Variants in NLRP8 observed in about 807,000 individuals in gnomAD.
NLRP8 encodes the protein NLR family pyrin domain containing 8, also known as NACHT, LRR and PYD domains-containing protein 8.
NLRP8 carries 86 observed loss-of-function variants against 88.7 expected under a neutral mutation model. That is an observed-to-expected ratio of 0.97 (90% CI 0.81 to 1.16). NLRP8 has a LOEUF of 1.16. Ranked by LOEUF, NLRP8 falls within the 50% of genes most tolerant of loss-of-function variation. The pLI is 0.00. For synonymous variants in NLRP8, 504 were observed against 494.6 expected, an observed-to-expected ratio of 1.02 and a Z score of -0.25; for missense variants, 1,342 against 1,286.5, an observed-to-expected ratio of 1.04 and a Z score of -0.66.
chr19:55,956,012 T>A lies in NLRP8; in HGVS notation c.1954T>A (p.Cys652Ser). 6.2e-7 allele frequency: 1 copy of A among 1,614,070 alleles called. No homozygotes were observed. Residue 652 changes from cysteine to serine, a missense_variant, in exon 3 of 10, where the codon TGT (cysteine) becomes AGT (serine). Physicochemically the swap from Cys to Ser is moderately radical, Grantham distance 112. Coordinates refer to ENST00000291971, the MANE Select transcript of NLRP8 (RefSeq NM_176811.2). ...AGTGTCTGCTTTTTGCCTGAAGCGG[T>A]GTCAATATTTGCATGAGGTGGAACT...
At chr19:55,979,191 G>C (rs752554240) in intron 8 of NLRP8, among the ~76,000 whole-genome samples, 1 of 152,214 alleles carries the variant, frequency 6.6e-6, no homozygotes, top group Non-Finnish European at 1.5e-5. Context: ...TAAATTCTTA[G>C]AGTGAGGAAT....
At chr19:55,961,005 G>A (rs949146616) in intron 3 of NLRP8, among the ~76,000 whole-genome samples, 4 of 147,810 alleles carry the variant, frequency 2.7e-5, no homozygotes, top group East Asian at 2.0e-4. Flanking sequence ...AGGTTCAAGC[G>A]ATTCTCTTTG....
intron 8 of NLRP8, among the ~76,000 whole-genome samples, chr19:55,976,917 A>G (rs1980366369): frequency 6.7e-6 from 1 of 150,222 alleles, no homozygotes. Context: ...TGTCTGTACT[A>G]AAAATACAAA....
At chr19:55,958,972 G>A (rs1377502183) in intron 3 of NLRP8, among the ~76,000 whole-genome samples, 1 of 150,976 alleles carries the variant, frequency 6.6e-6, no homozygotes, top group Non-Finnish European at 1.5e-5. Context: ...TCCACCTCCT[G>A]GGTTCACGCC....
At chr19:55,974,640 G>A (rs1600312941) in intron 7 of NLRP8, among the ~76,000 whole-genome samples, 1 of 151,632 alleles carries the variant, frequency 6.6e-6, no homozygotes, top group Non-Finnish European at 1.5e-5. Context: ...GGAGGCTGAG[G>A]CAGGAGAATG....
At chr19:55,957,063 A>C (rs1287168941) in intron 3 of NLRP8, among the ~76,000 whole-genome samples, 4 of 151,962 alleles carry the variant, frequency 2.6e-5, no homozygotes, top group Admixed American at 1.3e-4. Flanking sequence ...AAAGCACTGG[A>C]ATTACAGGCA....
At chr19:55,984,426 G>A (rs940429574) in intron 9 of NLRP8, among the ~76,000 whole-genome samples, 7 of 151,474 alleles carry the variant, frequency 4.6e-5, no homozygotes, top group South Asian at 2.1e-4. Flanking sequence ...AGGCCGAAGC[G>A]GGGGGATCAC....
At chr19:55,950,552 G>A (rs1568457579) in intron 1 of NLRP8, among the ~76,000 whole-genome samples, 3 of 152,100 alleles carry the variant, frequency 2.0e-5, no homozygotes, top group Admixed American at 6.6e-5. Context: ...TACTTACAGC[G>A]CTTTCAAGAT....
At position 55,955,719 on chromosome 19, in the gene NLRP8, A is replaced by G. The variant is rs746090109; in HGVS notation, c.1661A>G (p.His554Arg). The G allele has an allele frequency of 3.7e-6, 6 of 1,614,106 alleles. No individual in the cohort carries two copies. Among genetic ancestry groups the G allele is most frequent in the African/African-American group, 1.3e-5 (1 of 75,060 alleles). The change falls in exon 3 of 10, where the codon CAC (histidine) becomes CGC (arginine). Residue 554 changes from histidine (H) to arginine (R), a missense_variant. Coordinates refer to ENST00000291971, the MANE Select transcript of NLRP8 (RefSeq NM_176811.2). The stretch of plus-strand genomic sequence containing the variant: ...AGAGGAAGCAAAAGCTATCTCTCTC[A>G]CATGGGACTTTTCTTATTCGGTTTT...
Position 55,954,892 on chromosome 19 carries a change from C to A in NLRP8, c.834C>A (p.Pro278=), listed in dbSNP as rs762189376. 1 of 1,614,136 alleles carries A rather than the reference C, an allele frequency of 6.2e-7. No individual in the cohort carries two copies. Among genetic ancestry groups the A allele is most frequent in the South Asian group, 1.1e-5 (1 of 91,080 alleles). Reference sequence around the variant, plus strand: ...TCGTGTCAAAGATTATGTCCAAACCCGACCAACTTCTGCTGCTCTTGGATG... The same window carrying A: ...TCGTGTCAAAGATTATGTCCAAACCAGACCAACTTCTGCTGCTCTTGGATG... The change falls in exon 3 of 10, where the codon CCC becomes CCA. Residue 278 remains proline (P), a synonymous_variant. Transcript: ENST00000291971.
At chr19:55,961,637 A>T (rs1355171330) in intron 3 of NLRP8, among the ~76,000 whole-genome samples, 2 of 140,024 alleles carry the variant, frequency 1.4e-5, no homozygotes, top group African/African-American at 5.9e-5. Context: ...CCCTGTTTCT[A>T]CAAAAAATAC....
Position 55,955,259 on chromosome 19 carries a change from A to T in NLRP8, c.1201A>T (p.Met401Leu), listed in dbSNP as rs1222995777. The change falls in exon 3 of 10, where the codon ATG becomes TTG. Residue 401 changes from methionine (M) to leucine (L), a missense_variant. Physicochemically the swap from Met to Leu is conservative, Grantham distance 15. Transcript: ENST00000291971. Reference sequence around the variant, plus strand: ...GTGCCGGGTCCCTGTGGTTTGCTGGATGGTCTGCTCTGGTCTGAAACAGCA... The same window carrying T: ...GTGCCGGGTCCCTGTGGTTTGCTGGTTGGTCTGCTCTGGTCTGAAACAGCA... 6.2e-7 allele frequency: 1 copy of T among 1,614,186 alleles called. No homozygotes were observed. Among genetic ancestry groups the T allele is most frequent in the Non-Finnish European group, 8.5e-7 (1 of 1,180,034 alleles).
intron 6 of NLRP8, 54 bp from the exon 7 acceptor site, chr19:55,973,598 G>T: frequency 6.7e-7 from 1 of 1,489,322 alleles, no homozygotes; most frequent in South Asian, 1.4e-5. Flanking sequence ...TCACCCTTCT[G>T]TGTGAGACAA....
Position 55,988,157 on chromosome 19 carries a change from C to A in NLRP8, c.*244C>A. ...CCTGTAACCCAGCACTATGGGAGGT[C>A]GAGGTGGGCAGATTACCTGAGGTCA... On this transcript the variant is annotated 3_prime_UTR_variant, in exon 10 of 10. Transcript: ENST00000291971. 1 of 283,434 alleles carries A rather than the reference C, an allele frequency of 3.5e-6. No individual in the cohort carries two copies. The allele number at this position is 283,434 out of a possible 1,614,324, so 17.6% of individuals were successfully genotyped here. A position where few individuals can be genotyped will look rare whatever the true frequency, so the allele number is the denominator to read the frequency against.
At chr19:55,976,412 T>C in intron 8 of NLRP8, 109 bp downstream of exon 8, 1 of 933,124 alleles carries the variant, frequency 1.1e-6, no homozygotes, top group Admixed American at 3.6e-5. Flanking sequence ...TTCTGGATTG[T>C]TCCCTCCATT....
At chr19:55,948,354 T>C (rs1164244182) in intron 1 of NLRP8, 85 bp downstream of exon 1, 13 of 1,419,078 alleles carry the variant, frequency 9.2e-6, no homozygotes, top group Admixed American at 1.9e-5. Context: ...CTATCACTTA[T>C]TGGCCTTCTG....
In NLRP8 at chr19:55,955,588, T is replaced by G. The variant is rs755797226; in HGVS notation, c.1530T>G (p.Phe510Leu). Reference sequence around the variant, plus strand: ...ACTATGTCTTTACCCTCGTGACTTTTCAGGAATTTTTTGCGGCCTTGTTTT... The same window carrying G: ...ACTATGTCTTTACCCTCGTGACTTTGCAGGAATTTTTTGCGGCCTTGTTTT... The change falls in exon 3 of 10, where the codon TTT becomes TTG. Residue 510 changes from phenylalanine to leucine, a missense_variant. Transcript: ENST00000291971. 7 of 1,614,082 alleles carry G rather than the reference T, an allele frequency of 4.3e-6. No homozygotes were observed. The Admixed American group carries it at 1.2e-4, about 27-fold the overall frequency.
At chr19:55,953,490 CTTTCTTTCTTTCTTTA>C (rs1227713128) in intron 2 of NLRP8, among the ~76,000 whole-genome samples, 1 of 140,376 alleles carries the variant, frequency 7.1e-6, no homozygotes, top group African/African-American at 2.8e-5. Context: ...TTCTTTCTTT[CTTTCTTTCTTTCTTTA>C]TTTTTTTTGA....
At chr19:55,969,026 G>A (rs1249410103) in intron 5 of NLRP8, among the ~76,000 whole-genome samples, 2 of 152,020 alleles carry the variant, frequency 1.3e-5, no homozygotes, top group African/African-American at 4.8e-5. Context: ...GGCAAACACT[G>A]CACACCAGGA....
Sources: gnomAD v4.1 joint callset for allele counts (sites outside exome capture counted in the v4.1 genomes callset) on GRCh38, gnomAD v4.1.1 for gene constraint, MANE v1.5 for transcripts, NCBI Gene and HGNC (gene_info 2026-07-23, HGNC 2026-07-21) for gene names.